TENM2: variants seen among roughly 807,000 people sequenced by gnomAD.
TENM2 encodes the protein teneurin-2.
In TENM2, 52 loss-of-function variants were observed where a neutral mutation model predicts 245.2. The observed-to-expected ratio is 0.21, with a 90% confidence interval of 0.17 to 0.27. TENM2 has a LOEUF of 0.27. Ranked by LOEUF, TENM2 falls within the 10% of genes least tolerant of loss-of-function variation. The pLI is 1.00. For missense variants in TENM2, 3,046 were observed against 3,666.8 expected (o/e 0.83, Z 4.37); for synonymous variants, 1,363 against 1,438.9 (o/e 0.95, Z 1.19).
intron 3 of TENM2, among the ~76,000 whole-genome samples, chr5:167,898,441 A>T (rs1775421406): frequency 6.6e-6 from 1 of 152,168 alleles, no homozygotes; most frequent in Non-Finnish European, 1.5e-5. Context: ...AGCCTAGGCC[A>T]GTCACTGGAA....
intron 1 of TENM2, among the ~76,000 whole-genome samples, chr5:167,318,481 G>A (rs1348143507): frequency 3.3e-5 from 5 of 151,266 alleles, no homozygotes; most frequent in African/African-American, 4.9e-5. Context: ...TGAATAAAAC[G>A]AGATAAGTGC....
chr5:167,494,042 T>C (rs1343378600), intron 2 of TENM2, among the ~76,000 whole-genome samples: 1 of 151,928 alleles, frequency 6.6e-6, no homozygotes, highest in Non-Finnish European at 1.5e-5. Flanking sequence ...TGGGGAAAAA[T>C]AATATTAGAG....
chr5:167,877,910 A>G (rs1715805889), intron 3 of TENM2, among the ~76,000 whole-genome samples: 1 of 152,148 alleles, frequency 6.6e-6, no homozygotes, highest in Non-Finnish European at 1.5e-5. Context: ...ATTTCATACT[A>G]TGTAATCGTG....
intron 2 of TENM2, among the ~76,000 whole-genome samples, chr5:167,425,152 A>G (rs1272072021): frequency 1.3e-5 from 2 of 152,230 alleles, no homozygotes; most frequent in Non-Finnish European, 2.9e-5. Flanking sequence ...ATGAGAGTTC[A>G]AAGTATCTAT....
intron 2 of TENM2, among the ~76,000 whole-genome samples, chr5:167,770,569 G>A (rs975119989): frequency 6.6e-6 from 1 of 152,214 alleles, no homozygotes; most frequent in Admixed American, 6.5e-5. Flanking sequence ...AGTGGCAGAT[G>A]TGGGATTTGA....
intron 2 of TENM2, among the ~76,000 whole-genome samples, chr5:167,484,099 C>G (rs185320881): frequency 8.6e-4 from 131 of 152,234 alleles, no homozygotes; most frequent in African/African-American, 3.1e-3. Flanking sequence ...GTAATCCCAG[C>G]CCTTTGGGAA....
the TENM2 span, among the ~76,000 whole-genome samples, chr5:167,079,411 T>A: frequency 6.6e-6 from 1 of 150,778 alleles, no homozygotes; most frequent in Non-Finnish European, 1.5e-5. Context: ...CCTCCCAGGT[T>A]CAAGAGATTC....
intron 3 of TENM2, among the ~76,000 whole-genome samples, chr5:167,920,339 AAG>A (rs1262316985): frequency 2.0e-5 from 3 of 149,262 alleles, no homozygotes; most frequent in East Asian, 2.0e-4. Flanking sequence ...TTAAAAAAAA[AAG>A]AAAAAAAAAG....
At chr5:167,009,541 T>C in the TENM2 span, among the ~76,000 whole-genome samples, 936 of 152,338 alleles carry the variant, frequency 6.1e-3, 8 homozygotes, top group African/African-American at 0.022. Flanking sequence ...ATCTAGTTTG[T>C]AGCCCCAGTG....
At chr5:168,001,087 G>A (rs2152040565) in intron 5 of TENM2, among the ~76,000 whole-genome samples, 1 of 152,314 alleles carries the variant, frequency 6.6e-6, no homozygotes, top group South Asian at 2.1e-4. Flanking sequence ...TTACATCTGA[G>A]TTGTACCAGT....
the TENM2 span, among the ~76,000 whole-genome samples, chr5:167,277,478 G>A: frequency 1.3e-4 from 20 of 152,024 alleles, no homozygotes; most frequent in Non-Finnish European, 2.4e-4. Flanking sequence ...AACATACTCT[G>A]TATGATTTCA....
At chr5:167,075,663 C>T in the TENM2 span, among the ~76,000 whole-genome samples, 1 of 152,238 alleles carries the variant, frequency 6.6e-6, no homozygotes, top group East Asian at 1.9e-4. Flanking sequence ...TGTGATAGGG[C>T]AGTATTTTCA....
chr5:167,115,320 C>A, the TENM2 span, among the ~76,000 whole-genome samples: 3 of 152,260 alleles, frequency 2.0e-5, no homozygotes, highest in East Asian at 3.9e-4. Context: ...ATTCTGAGGG[C>A]ACCTGCCTTG....
At chr5:167,774,197 G>A (rs1188085744) in intron 2 of TENM2, among the ~76,000 whole-genome samples, 2 of 120,674 alleles carry the variant, frequency 1.7e-5, no homozygotes, top group Non-Finnish European at 3.6e-5. Context: ...AGGGAGGGAA[G>A]GAGGAAGGGA....
chr5:167,632,821 C>T (rs1778963351), intron 2 of TENM2, among the ~76,000 whole-genome samples: 1 of 152,152 alleles, frequency 6.6e-6, no homozygotes, highest in Admixed American at 6.5e-5. Flanking sequence ...ATGCCCTGCT[C>T]TCGATCACAC....
chr5:167,937,899 A>G (rs1778859251), intron 3 of TENM2: 1 of 152,118 alleles, frequency 6.6e-6, no homozygotes. Context: ...TTCCCTTCAT[A>G]AGTCTTGCTC....
intron 2 of TENM2, among the ~76,000 whole-genome samples, chr5:167,531,469 C>T (rs1771494537): frequency 6.6e-6 from 1 of 151,960 alleles, no homozygotes; most frequent in Non-Finnish European, 1.5e-5. Context: ...ACACGTCCAT[C>T]ACTTCACACT....
At chr5:167,186,136 C>T in the TENM2 span, among the ~76,000 whole-genome samples, 2 of 152,110 alleles carry the variant, frequency 1.3e-5, no homozygotes, top group African/African-American at 4.8e-5. Context: ...TTCAATCAAC[C>T]CTTTTAAAGA....
At chr5:167,045,909 G>A in the TENM2 span, among the ~76,000 whole-genome samples, 1 of 152,284 alleles carries the variant, frequency 6.6e-6, no homozygotes, top group East Asian at 1.9e-4. Context: ...TACCTGAGGA[G>A]AATTAGTAAT....
Sources: gnomAD v4.1 joint callset for allele counts (sites outside exome capture counted in the v4.1 genomes callset) on GRCh38, gnomAD v4.1.1 for gene constraint, MANE v1.5 for transcripts, NCBI Gene and HGNC (gene_info 2026-07-23, HGNC 2026-07-21) for gene names.